DYNC2H1: variants seen among roughly 807,000 people sequenced by gnomAD.
The protein encoded by DYNC2H1 is cytoplasmic dynein 2 heavy chain 1.
Under a neutral mutation model 570.0 loss-of-function variants are expected in DYNC2H1, and 410 were observed. That is an observed-to-expected ratio of 0.72 (90% CI 0.66 to 0.78). The LOEUF is 0.78. Ranked by LOEUF, DYNC2H1 falls within the 30% of genes least tolerant of loss-of-function variation. DYNC2H1 has a pLI of 0.00. For missense variants in DYNC2H1, 4,865 were observed against 5,046.4 expected (o/e 0.96, Z 1.09); for synonymous variants, 1,688 against 1,677.6 (o/e 1.01, Z -0.15).
At chr11:103,306,963 T>G (rs1211553956) in intron 77 of DYNC2H1, among the ~76,000 whole-genome samples, 1 of 152,154 alleles carries the variant, frequency 6.6e-6, no homozygotes, top group Non-Finnish European at 1.5e-5. Context: ...GGGAAAAATT[T>G]ACAAAATGAC....
In DYNC2H1 at chr11:103,253,268, G is replaced by GT. The variant is rs763760061; in HGVS notation, c.10043-16dup. On this transcript the variant is annotated splice_polypyrimidine_tract_variant and intron_variant, in intron 65 of 88. Transcript: ENST00000375735. ...CAGAAGATTCAGACCAACCAATTGT[G>GT]TGTTTTTTTTAAATAGGACCACGTT... is the stretch of plus-strand genomic sequence containing the variant. 1,619 of 1,526,032 alleles carry GT rather than the reference G, an allele frequency of 1.1e-3. No individual in the cohort carries two copies. The highest frequency in any genetic ancestry group is 3.1e-3 in the South Asian group (247 of 80,256). The allele number at this position is 1,526,032 out of a possible 1,614,324, so 94.5% of individuals were successfully genotyped here.
In DYNC2H1 at chr11:103,125,800, G is replaced by A. The variant is rs556052222; in HGVS notation, c.1857+505G>A. ...AATCATGACCCAACTAAACTGACTG[G>A]TTTTGGCCTTTACTACTTATGTACT... On this transcript the variant is annotated intron_variant, in intron 12 of 88. Transcript: ENST00000375735. Among the ~76,000 whole-genome samples the A allele has an allele frequency of 5.3e-5, 8 of 152,252 alleles. No individual in the cohort carries two copies. In the East Asian group the frequency reaches 1.5e-3, roughly 29 times the overall value.
intron 83 of DYNC2H1, among the ~76,000 whole-genome samples, chr11:103,370,827 C>A (rs1941115317): frequency 6.6e-6 from 1 of 152,086 alleles, no homozygotes; most frequent in South Asian, 2.1e-4. Context: ...TTTAAAATAT[C>A]TGGAAAGCCT....
intron 39 of DYNC2H1, among the ~76,000 whole-genome samples, chr11:103,180,203 G>GA (rs1383066379): frequency 4.6e-5 from 7 of 151,502 alleles, no homozygotes; most frequent in Non-Finnish European, 1.0e-4. Context: ...AATCTTGTGA[G>GA]AAAAATAGAA....
intron 84 of DYNC2H1, among the ~76,000 whole-genome samples, chr11:103,432,187 C>G (rs1239322665): frequency 6.6e-6 from 1 of 152,092 alleles, no homozygotes; most frequent in Non-Finnish European, 1.5e-5. Flanking sequence ...CACAATCCGA[C>G]TGACAAATAG....
At chr11:103,240,614 A>G (rs917006264) in intron 63 of DYNC2H1, among the ~76,000 whole-genome samples, 1 of 152,026 alleles carries the variant, frequency 6.6e-6, no homozygotes, top group Non-Finnish European at 1.5e-5. Flanking sequence ...TATTTCTCAA[A>G]TATCTCATGA....
chr11:103,439,850 A>G lies in DYNC2H1; in HGVS notation c.12456+3818A>G, dbSNP rs1241931581. On this transcript the variant is annotated intron_variant, in intron 85 of 88. Coordinates refer to ENST00000375735, the MANE Select transcript of DYNC2H1 (RefSeq NM_001377.3). This position sits in a 1 kb window ranked among gnomAD's most constrained non-coding sequence, Gnocchi z 4.1. ...ACAGATTACTCTCTTTGGGGAACTT[A>G]GAATTATTTCCCTGGCTTCAAATTT... Among the ~76,000 whole-genome samples the G allele has an allele frequency of 1.3e-5, 2 of 152,184 alleles. No individual in the cohort carries two copies. The highest frequency in any genetic ancestry group is 2.9e-5 in the Non-Finnish European group (2 of 68,028).
At chr11:103,266,668 C>T (rs995948155) in intron 70 of DYNC2H1, among the ~76,000 whole-genome samples, 2 of 152,118 alleles carry the variant, frequency 1.3e-5, no homozygotes, top group African/African-American at 2.4e-5. Flanking sequence ...TGCTGTGGAT[C>T]GTGGGGAAGC....
intron 83 of DYNC2H1, among the ~76,000 whole-genome samples, chr11:103,376,774 G>C (rs1941410198): frequency 1.3e-5 from 2 of 152,148 alleles, no homozygotes; most frequent in Non-Finnish European, 2.9e-5. Context: ...ACATCTACTG[G>C]TGGGTTTTAT....
Position 103,235,748 on chromosome 11 carries a change from C to T in DYNC2H1, c.9644C>T (p.Ser3215Phe). The T allele has an allele frequency of 6.2e-7, 1 of 1,611,796 alleles. No individual in the cohort carries two copies. The highest frequency in any genetic ancestry group is 1.1e-5 in the South Asian group (1 of 90,974). The change falls in exon 62 of 89, where the codon TCT (serine) becomes TTT (phenylalanine). Residue 3215 changes from serine to phenylalanine, a missense_variant. Physicochemically the swap from Ser to Phe is radical, Grantham distance 155 (BLOSUM62 -2). Coordinates refer to ENST00000375735, the MANE Select transcript of DYNC2H1 (RefSeq NM_001377.3). ...GCTGCTGCATTTATTACATATCTTT[C>T]TGCTGCTCCTGAATCTCTGAGAAAA... is the stretch of plus-strand genomic sequence containing the variant. The part of the protein sequence containing the change: ...QLAAAFITYL[S>F]AAPESLRKTC...
intron 83 of DYNC2H1, among the ~76,000 whole-genome samples, chr11:103,380,545 A>G (rs1941600605): frequency 6.6e-6 from 1 of 151,558 alleles, no homozygotes; most frequent in Non-Finnish European, 1.5e-5. Context: ...TTTTTTTTGG[A>G]GGTTACGTGA....
chr11:103,287,386 G>A (rs1866391553), intron 74 of DYNC2H1, 147 bp from the exon 75 acceptor site: 2 of 651,220 alleles, frequency 3.1e-6, no homozygotes, highest in Admixed American at 3.1e-5. Context: ...TATTGTGACA[G>A]TTTAAAGCAC....
intron 65 of DYNC2H1, 56 bp from the exon 66 acceptor site, chr11:103,253,229 T>A: frequency 6.6e-7 from 1 of 1,504,048 alleles, no homozygotes; most frequent in South Asian, 1.3e-5. Flanking sequence ...TTTCAAATAT[T>A]GTATAGTGAA....
intron 25 of DYNC2H1, among the ~76,000 whole-genome samples, chr11:103,156,106 G>A (rs1370490947): frequency 6.6e-6 from 1 of 152,046 alleles, no homozygotes; most frequent in Non-Finnish European, 1.5e-5. Flanking sequence ...TGTGATGGAT[G>A]CTTTAATTTT....
rs1298139600 is a variant in DYNC2H1 at position 103,181,451 on chromosome 11, T to C, written c.6348-306T>C. ...CTATGTAGAGTAGGTTGTGTAGATA[T>C]ATAATTCTCGTTTAGTTTATATTTA... On this transcript the variant is annotated intron_variant, in intron 39 of 88. Coordinates refer to ENST00000375735, the MANE Select transcript of DYNC2H1 (RefSeq NM_001377.3). The surrounding 1 kb of genome is among the most constrained non-coding windows in gnomAD (Gnocchi z 5.0). 2.0e-5 allele frequency among the ~76,000 whole-genome samples: 3 copies of C among 151,642 alleles called. No homozygotes were observed. The East Asian group carries it at 5.8e-4, about 29-fold the overall frequency.
At chr11:103,146,017 A>G (rs1013874958) in intron 18 of DYNC2H1, among the ~76,000 whole-genome samples, 3 of 152,238 alleles carry the variant, frequency 2.0e-5, no homozygotes, top group Non-Finnish European at 4.4e-5. Context: ...TCATGTATCA[A>G]GTATCATAAA....
chr11:103,188,036 G>T (rs191001592), intron 43 of DYNC2H1, among the ~76,000 whole-genome samples: 24 of 151,912 alleles, frequency 1.6e-4, no homozygotes, highest in Admixed American at 1.4e-3. Flanking sequence ...GAATCAGTGT[G>T]GAATATATTT....
intron 82 of DYNC2H1, among the ~76,000 whole-genome samples, chr11:103,330,396 T>C (rs890665434): frequency 6.6e-6 from 1 of 151,762 alleles, no homozygotes; most frequent in African/African-American, 2.4e-5. Flanking sequence ...AAGAAATCTT[T>C]AAAGCAGAAA....
chr11:103,304,225 A>AT lies in DYNC2H1; in HGVS notation c.11257-369dup, dbSNP rs11419900. ...AAAAATATAAATGAAAGATAGCAAA[A>AT]TAGCAGCGCTGTTAGGCTCAGGTGT... On this transcript the variant is annotated intron_variant, in intron 76 of 88. Coordinates refer to ENST00000375735, the MANE Select transcript of DYNC2H1 (RefSeq NM_001377.3). Among the ~76,000 whole-genome samples, 1,042 of 152,290 alleles carry AT rather than the reference A, an allele frequency of 6.8e-3. 25 individuals are homozygous for AT. Among genetic ancestry groups the AT allele is most frequent in the Admixed American group, 0.047 (720 of 15,280 alleles).
Sources: allele counts gnomAD v4.1 joint callset (sites outside exome capture counted in the v4.1 genomes callset), GRCh38; gene constraint gnomAD v4.1.1; non-coding constraint Gnocchi (gnomAD v3.1); transcripts MANE v1.5; gene names NCBI Gene and HGNC (gene_info 2026-07-23, HGNC 2026-07-21).